The following CDC20B variants were observed in gnomAD, a reference collection of about 807,000 sequenced individuals.
CDC20B encodes the protein cell division cycle 20B.
CDC20B carries 58 observed loss-of-function variants against 64.1 expected under a neutral mutation model. The observed-to-expected ratio is 0.90, with a 90% CI of 0.73 to 1.13. The LOEUF (loss-of-function observed/expected upper bound fraction) is 1.13. CDC20B is among the 50% of genes most tolerant of loss of function. The probability of loss-of-function intolerance (pLI) is 0.00; values close to 1 mark genes in which losing one functional copy is unlikely to be tolerated. For synonymous variants in CDC20B, 243 were observed against 230.6 expected, an observed-to-expected ratio of 1.05 and a Z score of -0.49; for missense variants, 597 against 633.0, an observed-to-expected ratio of 0.94 and a Z score of 0.61.
chr5:55,146,842 A>G lies in CDC20B; in HGVS notation c.141T>C (p.Val47=), dbSNP rs1444789224. Residue 47 remains valine, a synonymous_variant, in exon 3 of 12, where the codon GTT becomes GTC. Transcript: ENST00000381375. The stretch of plus-strand genomic sequence containing the variant: ...TCTTAAAGTCAGAATACGTAGCATT[A>G]ACTGAATCGAGTACCTGTTTAACAA... The part of the protein sequence containing the change: ...SQDSANVLDS[V]NATYSDFKSN... 3 of 1,613,920 alleles carry G rather than the reference A, an allele frequency of 1.9e-6. No individual in the cohort carries two copies. In the African/African-American group the frequency reaches 4.0e-5, roughly 22 times the overall value.
Position 55,146,826 on chromosome 5 carries a change from C to G in CDC20B, c.157G>C (p.Asp53His). The G allele has an allele frequency of 6.2e-7, 1 of 1,614,074 alleles. No homozygotes were observed. The highest frequency in any genetic ancestry group is 8.5e-7 in the Non-Finnish European group (1 of 1,179,994). Residue 53 changes from aspartate (D) to histidine (H), a missense_variant, in exon 3 of 12, where the codon GAC (aspartate) becomes CAC (histidine). By Grantham distance (81) the Asp-to-His change is moderately conservative. This residue lies in a region of CDC20B where 241 missense variants were observed against 219.2 expected (regional missense o/e 1.10). Transcript: ENST00000381375. ...CTCTTCGCAAAGTTGCTCTTAAAGT[C>G]AGAATACGTAGCATTAACTGAATCG... ...VLDSVNATYS[D>H]FKSNFAKRLS...
At position 55,143,536 on chromosome 5, in the gene CDC20B, C is replaced by T; in HGVS notation, c.463G>A (p.Glu155Lys). 6.2e-7 allele frequency: 1 copy of T among 1,603,950 alleles called. No homozygotes were observed. The part of the protein sequence containing the change: ...APHAMDRDWK[E>K]SVASKGQKCL... ...ACCTGCCCTTTTGAGGCAACACTTT[C>T]TTTCCAGTCTCTGTCCATTGCATGA... Residue 155 changes from glutamate (E) to lysine (K), a missense_variant, in exon 4 of 12, where the codon GAA (glutamate) becomes AAA (lysine). Physicochemically the swap from Glu to Lys is moderately conservative, Grantham distance 56 (BLOSUM62 1). Around this residue, in one of 3 missense-constraint regions of CDC20B, gnomAD observed 241 missense variants for 219.2 expected, o/e 1.10. Transcript: ENST00000381375.
chr5:55,124,491 A>T (rs913615946), intron 9 of CDC20B, among the ~76,000 whole-genome samples: 4 of 152,196 alleles, frequency 2.6e-5, no homozygotes, highest in African/African-American at 9.6e-5. Context: ...ACATTACTCA[A>T]AGCCTTAGAT....
chr5:55,122,810 C>T (rs1038022726), intron 9 of CDC20B, among the ~76,000 whole-genome samples: 1 of 152,160 alleles, frequency 6.6e-6, no homozygotes, highest in Non-Finnish European at 1.5e-5. Flanking sequence ...AGGAGCATGC[C>T]CAGGCAGCTG....
intron 2 of CDC20B, among the ~76,000 whole-genome samples, chr5:55,163,305 A>G (rs1310818936): frequency 2.0e-5 from 3 of 152,126 alleles, no homozygotes; most frequent in Non-Finnish European, 4.4e-5. Context: ...GGATCACTTT[A>G]GTGCCCAGGA....
Position 55,128,760 on chromosome 5 carries a change from C to A in CDC20B, c.698-143G>T, listed in dbSNP as rs921677175. 2.6e-5 allele frequency: 15 copies of A among 572,062 alleles called. 1 individual carries two copies. In the South Asian group the frequency reaches 6.3e-4, roughly 24 times the overall value. The allele number at this position is 572,062 out of a possible 1,614,324, so 35.4% of individuals were successfully genotyped here. ...ATGGAAACATGGAACCATGAAAATCCTTAAAAGTTCAAAAATGAAAAGTGG... is the reference window on the plus strand; with the variant it reads ...ATGGAAACATGGAACCATGAAAATCATTAAAAGTTCAAAAATGAAAAGTGG... On this transcript the variant is annotated intron_variant, in intron 6 of 11. Transcript: ENST00000381375.
chr5:55,145,554 G>C (rs1331574831), intron 3 of CDC20B, among the ~76,000 whole-genome samples: 1 of 152,216 alleles, frequency 6.6e-6, no homozygotes, highest in African/African-American at 2.4e-5. Context: ...ACATATTTCA[G>C]AAAGAGAGTT....
At chr5:55,122,549 A>G (rs1742784591) in intron 9 of CDC20B, among the ~76,000 whole-genome samples, 1 of 152,212 alleles carries the variant, frequency 6.6e-6, no homozygotes, top group African/African-American at 2.4e-5. Flanking sequence ...ATCAATAGGT[A>G]CAATCTAATT....
intron 2 of CDC20B, among the ~76,000 whole-genome samples, chr5:55,155,707 C>A (rs1387741594): frequency 6.6e-6 from 1 of 152,180 alleles, no homozygotes; most frequent in African/African-American, 2.4e-5. Context: ...TCTCTATCGC[C>A]AGCAGCTGCC....
chr5:55,146,192 C>T (rs1212148055), intron 3 of CDC20B, among the ~76,000 whole-genome samples: 5 of 152,048 alleles, frequency 3.3e-5, no homozygotes, highest in East Asian at 1.9e-4. Flanking sequence ...GCTGAGTCTC[C>T]GCCAATCACA....
rs773510572 is a variant in CDC20B, at chr5:55,140,304, G to C, written c.580+10C>G. Reference sequence around the variant, plus strand: ...GCGCAGGAAAGAAGGACAATGTCTTGATCCTGTACCTTTCCAAACACATTC... The same window carrying C: ...GCGCAGGAAAGAAGGACAATGTCTTCATCCTGTACCTTTCCAAACACATTC... On this transcript the variant is annotated intron_variant, in intron 5 of 11. Coordinates refer to ENST00000381375, the MANE Select transcript of CDC20B (RefSeq NM_001170402.1). 6.4e-7 allele frequency: 1 copy of C among 1,572,300 alleles called. No individual in the cohort carries two copies. Among genetic ancestry groups the C allele is most frequent in the Non-Finnish European group, 8.7e-7 (1 of 1,151,800 alleles).
intron 2 of CDC20B, chr5:55,165,887 C>G (rs1315155125): frequency 6.6e-6 from 1 of 152,232 alleles, no homozygotes; most frequent in Non-Finnish European, 1.5e-5. Flanking sequence ...AACACACTTA[C>G]TAAGGTGTTT....
At position 55,128,448 on chromosome 5, in the gene CDC20B, T is replaced by G. The variant is rs1742949009; in HGVS notation, c.867A>C (p.Ala289=). Residue 289 remains alanine (A), a synonymous_variant, in exon 7 of 12, where the codon GCA becomes GCC. Transcript: ENST00000381375. The stretch of plus-strand genomic sequence containing the variant: ...GCACTTCTCCCTCGCTGGTGCCAAC[T>G]GCCAGGCAAGTTCCCTCTTTTATCC... The part of the protein sequence containing the change: ...VSWIKEGTCL[A]VGTSEGEVQL... The G allele has an allele frequency of 1.2e-6, 2 of 1,604,762 alleles. No homozygotes were observed. Among genetic ancestry groups the G allele is most frequent in the Non-Finnish European group, 1.7e-6 (2 of 1,177,572 alleles).
intron 2 of CDC20B, among the ~76,000 whole-genome samples, chr5:55,149,802 T>C (rs962759383): frequency 1.3e-5 from 2 of 152,134 alleles, no homozygotes; most frequent in African/African-American, 4.8e-5. Flanking sequence ...TTCCAGAACA[T>C]TGGAAATACA....
intron 11 of CDC20B, among the ~76,000 whole-genome samples, chr5:55,117,686 T>C (rs1742655766): frequency 6.6e-6 from 1 of 152,116 alleles, no homozygotes; most frequent in Non-Finnish European, 1.5e-5. Flanking sequence ...CCTCAGTGTG[T>C]TCATGGAACA....
In CDC20B at chr5:55,113,687, T is replaced by A. The variant is rs967191882; in HGVS notation, c.*531A>T. 2.0e-5 allele frequency: 3 copies of A among 152,562 alleles called. No homozygotes were observed. Among genetic ancestry groups the A allele is most frequent in the Admixed American group, 1.3e-4 (2 of 15,308 alleles). The allele number at this position is 152,562 out of a possible 1,614,324, so 9.5% of individuals were successfully genotyped here. On this transcript the variant is annotated 3_prime_UTR_variant, in exon 12 of 12. Transcript: ENST00000381375. ...GAGACCATCAGGAGGGGAAAGGGAT[T>A]CCTACAGAACTGATTTTTAGAGAGA...
chr5:55,140,468 G>A (rs981725835), intron 4 of CDC20B, 61 bp from the exon 5 acceptor site: 3 of 1,126,920 alleles, frequency 2.7e-6, no homozygotes, highest in South Asian at 1.4e-5. Context: ...CAACTAAAAT[G>A]TAATGTATAA....
chr5:55,155,045 T>C (rs561869330), intron 2 of CDC20B, among the ~76,000 whole-genome samples: 1 of 152,310 alleles, frequency 6.6e-6, no homozygotes, highest in African/African-American at 2.4e-5. Flanking sequence ...GCCTGTCGCA[T>C]AGTTTTGAAT....
In CDC20B at chr5:55,160,338, C is replaced by T. The variant is rs1743976095; in HGVS notation, c.126+12250G>A. ...AAACCTAAAATCAACAGCTTTTATG[C>T]CTTTGAAGTGAAGGATGCAAAAGGA... On this transcript the variant is annotated intron_variant, in intron 2 of 11. Transcript: ENST00000381375. 5.0e-6 allele frequency: 8 copies of T among 1,613,676 alleles called. No individual in the cohort carries two copies. In the South Asian group the frequency reaches 6.6e-5, roughly 13 times the overall value.
Sources: allele counts gnomAD v4.1 joint callset (sites outside exome capture counted in the v4.1 genomes callset), GRCh38; gene constraint gnomAD v4.1.1; regional missense constraint gnomAD v4.1.1; transcripts MANE v1.5; gene names NCBI Gene and HGNC (gene_info 2026-07-23, HGNC 2026-07-21).